ZNF341: variants seen among roughly 807,000 people sequenced by gnomAD.
The protein encoded by ZNF341 is zinc finger protein 341.
In ZNF341, 52 loss-of-function variants were observed where a neutral mutation model predicts 87.7. That is an observed-to-expected ratio of 0.59 (90% CI 0.47 to 0.75). ZNF341 has a LOEUF of 0.75. Ranked by LOEUF, ZNF341 falls within the 30% of genes least tolerant of loss-of-function variation. The probability of loss-of-function intolerance (pLI) is 0.00; values close to 1 mark genes in which losing one functional copy is unlikely to be tolerated. For missense variants in ZNF341, 977 were observed against 1,145.9 expected, an observed-to-expected ratio of 0.85 and a Z score of 2.13; for synonymous variants, 459 against 472.7, an observed-to-expected ratio of 0.97 and a Z score of 0.38.
chr20:33,752,403 CTT>C (rs1218697444), intron 4 of ZNF341: 1 of 626,252 alleles, frequency 1.6e-6, no homozygotes, highest in African/African-American at 1.8e-5. Context: ...TTCCGAATCT[CTT>C]TGAGTGCCTG....
chr20:33,782,567 A>C (rs190166409), intron 11 of ZNF341, among the ~76,000 whole-genome samples: 2 of 152,322 alleles, frequency 1.3e-5, no homozygotes, highest in Admixed American at 1.3e-4. Flanking sequence ...GTCCGAGTAA[A>C]AGATACCATG....
chr20:33,776,488 A>G (rs546936360), intron 10 of ZNF341, among the ~76,000 whole-genome samples: 4 of 151,982 alleles, frequency 2.6e-5, no homozygotes, highest in Admixed American at 2.6e-4. Context: ...CCGGGGCTCA[A>G]GCAATCCTCC....
chr20:33,780,742 G>T (rs1255428349), intron 10 of ZNF341, among the ~76,000 whole-genome samples: 1 of 150,240 alleles, frequency 6.7e-6, no homozygotes, highest in African/African-American at 2.5e-5. Flanking sequence ...ATAGAGACAG[G>T]TTCTCTTTCT....
rs540772033 is a variant in ZNF341, at chr20:33,770,011, A to G, written c.1414-73A>G. 13 of 1,043,680 alleles carry G rather than the reference A, an allele frequency of 1.2e-5. No homozygotes were observed. The Admixed American group carries it at 1.3e-4, about 11-fold the overall frequency. 64.7% of individuals were successfully genotyped at this position (1,043,680 alleles called of 1,614,324 possible). Reference sequence around the variant, plus strand: ...CATTTACCATCAGTGTCCAAGGCCAATGCCACAGGCCAGGGGCTGCAGTGG... The same window carrying G: ...CATTTACCATCAGTGTCCAAGGCCAGTGCCACAGGCCAGGGGCTGCAGTGG... On this transcript the variant is annotated intron_variant, in intron 9 of 14. Coordinates refer to ENST00000375200, the MANE Select transcript of ZNF341 (RefSeq NM_001282933.2).
At chr20:33,777,322 C>CAAAAAAAA (rs71192713) in intron 10 of ZNF341, among the ~76,000 whole-genome samples, 1 of 32,668 alleles carries the variant, frequency 3.1e-5, no homozygotes, top group Non-Finnish European at 6.1e-5. Flanking sequence ...GACCCTATCT[C>CAAAAAAAA]AAAAAAAAAA....
At chr20:33,752,208 T>C (rs541239796) in intron 4 of ZNF341, 22 of 562,288 alleles carry the variant, frequency 3.9e-5, no homozygotes, top group Middle Eastern at 4.5e-4. Context: ...TTTTTGAAAG[T>C]GGTAACAGGT....
At chr20:33,781,583 G>A (rs530433066) in intron 11 of ZNF341, among the ~76,000 whole-genome samples, 196 bp downstream of exon 11, 1 of 152,332 alleles carries the variant, frequency 6.6e-6, no homozygotes, top group South Asian at 2.1e-4. Context: ...GGCCATGTCG[G>A]GGCTGCTGCT....
chr20:33,733,975 T>C (rs2018630868), intron 1 of ZNF341, among the ~76,000 whole-genome samples: 1 of 152,182 alleles, frequency 6.6e-6, no homozygotes, highest in Admixed American at 6.6e-5. Flanking sequence ...CAGAGGCCAA[T>C]AGAATGGGGT....
In ZNF341 at chr20:33,761,848, C is replaced by G; in HGVS notation, c.1029-14C>G. Reference sequence around the variant, plus strand: ...GTTCCTGCAGGAGGGCACTGACAAGCTTGTCTTCCACAGCCACACCGGTGA... The same window carrying G: ...GTTCCTGCAGGAGGGCACTGACAAGGTTGTCTTCCACAGCCACACCGGTGA... On this transcript the variant is annotated splice_polypyrimidine_tract_variant and intron_variant, in intron 7 of 14. Coordinates refer to ENST00000375200, the MANE Select transcript of ZNF341 (RefSeq NM_001282933.2). 2 of 1,480,528 alleles carry G rather than the reference C, an allele frequency of 1.4e-6. No homozygotes were observed. The highest frequency in any genetic ancestry group is 1.8e-6 in the Non-Finnish European group (2 of 1,095,302). The allele number at this position is 1,480,528 out of a possible 1,614,324, so 91.7% of individuals were successfully genotyped here.
intron 2 of ZNF341, among the ~76,000 whole-genome samples, chr20:33,743,238 G>A (rs1337251524): frequency 2.0e-5 from 3 of 151,706 alleles, no homozygotes; most frequent in African/African-American, 7.3e-5. Context: ...CGCCATGTTG[G>A]CCAGGCTGGT....
chr20:33,790,099 G>A (rs2019968667), intron 14 of ZNF341, among the ~76,000 whole-genome samples: 1 of 148,638 alleles, frequency 6.7e-6, no homozygotes, highest in Non-Finnish European at 1.5e-5. Flanking sequence ...TTGAGACGGA[G>A]CCTCCCTCTG....
chr20:33,753,134 A>G (rs750430493), intron 4 of ZNF341, 38 bp from the exon 5 acceptor site: 1 of 1,611,258 alleles, frequency 6.2e-7, no homozygotes. Flanking sequence ...GACAACTGGT[A>G]TCAAGAGGCT....
rs752270017 is a variant in ZNF341 at position 33,745,276 on chromosome 20, G to A, written c.316G>A (p.Ala106Thr). ...GGCAGCACCCACAGCGGTCCAGCAG[G>A]CCCCAACTCCTGCCAATCGCCAGGT... ...PSAAPTAVQQ[A>T]PTPANRQIST... Residue 106 changes from alanine (A) to threonine (T), a missense_variant, in exon 3 of 15, where the codon GCC (alanine) becomes ACC (threonine). By Grantham distance (58) the Ala-to-Thr change is moderately conservative (BLOSUM62 0). Coordinates refer to ENST00000375200, the MANE Select transcript of ZNF341 (RefSeq NM_001282933.2). 1.9e-6 allele frequency: 3 copies of A among 1,612,178 alleles called. No individual in the cohort carries two copies. The highest frequency in any genetic ancestry group is 2.2e-5 in the East Asian group (1 of 44,824).
rs1001873325 is a variant in ZNF341 at position 33,735,219 on chromosome 20, C to T, written c.31+3167C>T. On this transcript the variant is annotated intron_variant, in intron 1 of 14. Transcript: ENST00000375200. Reference sequence around the variant, plus strand: ...CTAATTTTGTATTTTTTAGTAGAGACGGGGTTTCACCATGTTGGCCAGGCT... The same window carrying T: ...CTAATTTTGTATTTTTTAGTAGAGATGGGGTTTCACCATGTTGGCCAGGCT... Among the ~76,000 whole-genome samples, 12 of 147,402 alleles carry T rather than the reference C, an allele frequency of 8.1e-5. No individual in the cohort carries two copies. In the South Asian group the frequency reaches 8.7e-4, roughly 11 times the overall value.
intron 2 of ZNF341, among the ~76,000 whole-genome samples, chr20:33,742,440 C>A (rs1370535608): frequency 6.6e-6 from 1 of 152,078 alleles, no homozygotes; most frequent in Non-Finnish European, 1.5e-5. Flanking sequence ...TCATGATCAC[C>A]CGCCTCGGCC....
Position 33,791,846 on chromosome 20 carries a change from CAG to C in ZNF341, c.*330_*331del, listed in dbSNP as rs1175862207. The stretch of plus-strand genomic sequence containing the variant: ...TGGTCGGGGCCCCTGGGAGAGGAGA[CAG>C]GGCATTCCTCCCCACTCTGTCTCCA... On this transcript the variant is annotated 3_prime_UTR_variant, in exon 15 of 15. Coordinates refer to ENST00000375200, the MANE Select transcript of ZNF341 (RefSeq NM_001282933.2). 24 of 304,540 alleles carry C rather than the reference CAG, an allele frequency of 7.9e-5. No individual in the cohort carries two copies. The highest frequency in any genetic ancestry group is 5.1e-4 in the African/African-American group (24 of 47,096). The allele number at this position is 304,540 out of a possible 1,614,324, so 18.9% of individuals were successfully genotyped here.
chr20:33,745,955 G>C (rs1257602402), intron 3 of ZNF341, among the ~76,000 whole-genome samples: 3 of 148,220 alleles, frequency 2.0e-5, no homozygotes, highest in African/African-American at 7.5e-5. Context: ...TTTTGAGACG[G>C]AGTCTTGCTC....
chr20:33,777,821 CTT>C (rs1461483473), intron 10 of ZNF341, among the ~76,000 whole-genome samples: 1 of 152,090 alleles, frequency 6.6e-6, no homozygotes, highest in East Asian at 1.9e-4. Context: ...TCTCGTCTCT[CTT>C]GTGTCCTATA....
chr20:33,784,611 TA>T (rs2122733795), intron 12 of ZNF341, among the ~76,000 whole-genome samples: 1 of 148,750 alleles, frequency 6.7e-6, no homozygotes, highest in East Asian at 2.0e-4. Context: ...AGGGACTTTT[TA>T]TTCTTTTTTT....
Sources: allele counts gnomAD v4.1 joint callset (sites outside exome capture counted in the v4.1 genomes callset), GRCh38; gene constraint gnomAD v4.1.1; transcripts MANE v1.5; gene names NCBI Gene and HGNC (gene_info 2026-07-23, HGNC 2026-07-21).